VPS36: variants seen among roughly 807,000 people sequenced by gnomAD.
VPS36 encodes the protein vacuolar protein-sorting-associated protein 36.
VPS36 carries 31 observed loss-of-function variants against 63.5 expected under a neutral mutation model. That is an observed-to-expected ratio of 0.49 (90% CI 0.37 to 0.66). The LOEUF is 0.66. Ranked by LOEUF, VPS36 falls within the 30% of genes least tolerant of loss-of-function variation. The probability of loss-of-function intolerance (pLI) is 0.00; values close to 1 mark genes in which losing one functional copy is unlikely to be tolerated. For missense variants in VPS36, 338 were observed against 463.7 expected, an observed-to-expected ratio of 0.73 and a Z score of 2.49; for synonymous variants, 138 against 157.2, an observed-to-expected ratio of 0.88 and a Z score of 0.91.
chr13:52,436,090 A>AC (rs1404209490), intron 4 of VPS36, 200 bp downstream of exon 4: 1 of 432,110 alleles, frequency 2.3e-6, no homozygotes, highest in Non-Finnish European at 4.1e-6. Context: ...TCCCATTCCC[A>AC]CTGAAACCTA....
intron 1 of VPS36, among the ~76,000 whole-genome samples, chr13:52,443,952 C>T (rs553298638): frequency 1.3e-5 from 2 of 152,252 alleles, no homozygotes. Flanking sequence ...GGTAGGACTT[C>T]CTTGTGTCCT....
chr13:52,416,364 C>A, intron 12 of VPS36: 1 of 348,466 alleles, frequency 2.9e-6, no homozygotes, highest in Non-Finnish European at 5.2e-6. Context: ...TGTACTAAAG[C>A]CTAAAAAGAA....
At chr13:52,416,179 T>C (rs1957990786) in intron 12 of VPS36, 86 bp from the exon 13 acceptor site, 3 of 1,251,582 alleles carry the variant, frequency 2.4e-6, no homozygotes, top group Non-Finnish European at 3.4e-6. Flanking sequence ...GTAGGCAGAA[T>C]GTATACCAGT....
rs778779269 is a variant in VPS36, at chr13:52,413,559, C to A, written c.*2271G>T. On this transcript the variant is annotated 3_prime_UTR_variant, in exon 14 of 14. Transcript: ENST00000378060. ...TTACTCTATATACATTGATACCAATCATTTAACCCTGAAAACACAGTCTTC... is the reference window on the plus strand; with the variant it reads ...TTACTCTATATACATTGATACCAATAATTTAACCCTGAAAACACAGTCTTC... The A allele has an allele frequency of 6.6e-6, 1 of 152,154 alleles. No homozygotes were observed. The highest frequency in any genetic ancestry group is 2.4e-5 in the African/African-American group (1 of 41,430). 9.4% of individuals were successfully genotyped at this position (152,154 alleles called of 1,614,324 possible). A position where few individuals can be genotyped will look rare whatever the true frequency, so the allele number is the denominator to read the frequency against.
chr13:52,424,507 G>A (rs1958076904), intron 9 of VPS36, among the ~76,000 whole-genome samples: 1 of 152,022 alleles, frequency 6.6e-6, no homozygotes, highest in South Asian at 2.1e-4. Flanking sequence ...GAAATACATA[G>A]GACCAGAAAA....
At chr13:52,434,191 C>T (rs545232916) in intron 5 of VPS36, among the ~76,000 whole-genome samples, 1 of 152,170 alleles carries the variant, frequency 6.6e-6, no homozygotes, top group South Asian at 2.1e-4. Context: ...GAAAACATTA[C>T]CCAGCTGTAC....
In VPS36 at chr13:52,417,065, G is replaced by A; in HGVS notation, c.982C>T (p.Leu328=). ...HKEEEMVASA[L]ETVSEKGSLT... is the part of the protein sequence containing the mutation. Reference sequence around the variant, plus strand: ...AAATCGGCTTCACATACTGTCTCCAGGGCCGAGGCCACCATTTCCTCTTCC... The same window carrying A: ...AAATCGGCTTCACATACTGTCTCCAAGGCCGAGGCCACCATTTCCTCTTCC... Residue 328 remains leucine, a synonymous_variant, in exon 12 of 14, where the codon CTG becomes TTG. Coordinates refer to ENST00000378060, the MANE Select transcript of VPS36 (RefSeq NM_016075.4). 6.2e-7 allele frequency: 1 copy of A among 1,613,918 alleles called. No homozygotes were observed. Among genetic ancestry groups the A allele is most frequent in the Non-Finnish European group, 8.5e-7 (1 of 1,179,918 alleles).
At chr13:52,417,204 G>T in intron 11 of VPS36, 63 bp from the exon 12 acceptor site, 1 of 1,430,952 alleles carries the variant, frequency 7.0e-7, no homozygotes, top group South Asian at 1.2e-5. Flanking sequence ...TGCTGAAAAG[G>T]AGGACATCTT....
At chr13:52,432,119 G>A (rs891958825) in intron 6 of VPS36, among the ~76,000 whole-genome samples, 1 of 149,896 alleles carries the variant, frequency 6.7e-6, no homozygotes, top group African/African-American at 2.5e-5. Flanking sequence ...TTGAGAGGCC[G>A]CGGCGGCGGA....
At position 52,426,978 on chromosome 13, in the gene VPS36, A is replaced by G; in HGVS notation, c.639+11T>C. 6.2e-7 allele frequency: 1 copy of G among 1,601,978 alleles called. No individual in the cohort carries two copies. The highest frequency in any genetic ancestry group is 8.5e-7 in the Non-Finnish European group (1 of 1,175,048). ...TAGTTTCAAATGCCTTAAAAAAAGC[A>G]ACTTATTTACCTCATCTTCTGTGAT... On this transcript the variant is annotated intron_variant, in intron 8 of 13. Coordinates refer to ENST00000378060, the MANE Select transcript of VPS36 (RefSeq NM_016075.4).
At chr13:52,443,927 TG>T (rs1356850462) in intron 1 of VPS36, among the ~76,000 whole-genome samples, 1 of 152,144 alleles carries the variant, frequency 6.6e-6, no homozygotes, top group Non-Finnish European at 1.5e-5. Flanking sequence ...TACCAGAAAG[TG>T]GAATTTGCCA....
At chr13:52,429,126 C>T in intron 6 of VPS36, 1 of 292,272 alleles carries the variant, frequency 3.4e-6, no homozygotes, top group Non-Finnish European at 5.1e-6. Context: ...CCTTGTATCC[C>T]TCTACCACAC....
At chr13:52,427,304 C>A (rs1305185319) in intron 6 of VPS36, 85 bp from the exon 7 acceptor site, 1 of 1,506,234 alleles carries the variant, frequency 6.6e-7, no homozygotes, top group South Asian at 1.2e-5. Context: ...ATTTTTTCCC[C>A]ATAAAAATTT....
intron 11 of VPS36, among the ~76,000 whole-genome samples, chr13:52,417,651 C>T (rs758738933): frequency 2.0e-5 from 3 of 152,112 alleles, no homozygotes; most frequent in South Asian, 2.1e-4. Context: ...TGAGCCACCA[C>T]GCCCAGCCAC....
At chr13:52,438,957 A>G in intron 3 of VPS36, 141 bp downstream of exon 3, 1 of 622,268 alleles carries the variant, frequency 1.6e-6, no homozygotes, top group Non-Finnish European at 2.6e-6. Context: ...TGTATAATAA[A>G]CAAGGATATT....
chr13:52,420,241 CAA>C (rs377476548), intron 10 of VPS36, among the ~76,000 whole-genome samples: 3 of 107,260 alleles, frequency 2.8e-5, no homozygotes, highest in Non-Finnish European at 2.0e-5. Flanking sequence ...AAGACTGTCT[CAA>C]AAAAAAAAAG....
rs1286666256 is a variant in VPS36, at chr13:52,426,377, G to C, written c.640-311C>G. Reference sequence around the variant, plus strand: ...TAGTACAACTGAAAAGAAAATGGCTGTGATTAGACTGTAGACAAACTGAAT... The same window carrying C: ...TAGTACAACTGAAAAGAAAATGGCTCTGATTAGACTGTAGACAAACTGAAT... On this transcript the variant is annotated intron_variant, in intron 8 of 13. Transcript: ENST00000378060. Among the ~76,000 whole-genome samples the C allele has an allele frequency of 3.9e-5, 6 of 152,304 alleles. 2 individuals carry two copies. The highest frequency in any genetic ancestry group is 3.9e-4 in the Admixed American group (6 of 15,294).
At chr13:52,435,122 C>T (rs572324846) in intron 4 of VPS36, among the ~76,000 whole-genome samples, 2 of 152,018 alleles carry the variant, frequency 1.3e-5, no homozygotes, top group East Asian at 3.9e-4. Context: ...CAGGCATGTG[C>T]CACCACACCC....
At chr13:52,434,719 A>G (rs1958195615) in intron 5 of VPS36, 74 bp downstream of exon 5, 3 of 1,377,014 alleles carry the variant, frequency 2.2e-6, no homozygotes, top group Non-Finnish European at 2.0e-6. Context: ...TTCTACAATC[A>G]CAGAGTCTTT....
Sources: gnomAD v4.1 joint callset for allele counts (sites outside exome capture counted in the v4.1 genomes callset) on GRCh38, gnomAD v4.1.1 for gene constraint, MANE v1.5 for transcripts, NCBI Gene and HGNC (gene_info 2026-07-23, HGNC 2026-07-21) for gene names.